RANGAP1: variants seen among roughly 807,000 people sequenced by gnomAD.
The protein encoded by RANGAP1 is Ran GTPase activating protein 1.
A neutral mutation model predicts 63.5 loss-of-function variants in RANGAP1; 38 were observed. The observed-to-expected ratio is 0.60, with a 90% confidence interval of 0.46 to 0.78. The LOEUF (loss-of-function observed/expected upper bound fraction) is 0.78, where lower values mean the gene tolerates loss of function less well. RANGAP1 is among the 30% of genes least tolerant of loss of function. The pLI is 0.00. For synonymous variants in RANGAP1, 329 were observed against 310.5 expected (o/e 1.06, Z -0.63); for missense variants, 630 against 740.3 (o/e 0.85, Z 1.73).
At chr22:41,296,200 T>G in the RANGAP1 span, among the ~76,000 whole-genome samples, 1 of 151,918 alleles carries the variant, frequency 6.6e-6, no homozygotes, top group South Asian at 2.1e-4. Context: ...ATTAAAAAAA[T>G]AATAACCTAA....
At chr22:41,252,252 A>C (rs754837550) in intron 12 of RANGAP1, among the ~76,000 whole-genome samples, 6 of 152,144 alleles carry the variant, frequency 3.9e-5, no homozygotes, top group Non-Finnish European at 5.9e-5. Flanking sequence ...CAGTGAGCCG[A>C]GATCGTGCCA....
rs930446166 is a variant in RANGAP1, at chr22:41,257,624, C to A, written c.774+324G>T. 2.0e-5 allele frequency among the ~76,000 whole-genome samples: 3 copies of A among 152,230 alleles called. No homozygotes were observed. Among genetic ancestry groups the A allele is most frequent in the Non-Finnish European group, 2.9e-5 (2 of 68,044 alleles). On this transcript the variant is annotated intron_variant, in intron 7 of 15. Transcript: ENST00000356244. The surrounding 1 kb of genome is among the most constrained non-coding windows in gnomAD (Gnocchi z 4.0). ...AACAAAACAAACAACAGCTGCTGAA[C>A]AAATCAACCAGGAAAACAGATGTGG...
At chr22:41,254,845 G>A (rs1160307827) in intron 10 of RANGAP1, among the ~76,000 whole-genome samples, 1 of 152,014 alleles carries the variant, frequency 6.6e-6, no homozygotes. Flanking sequence ...GGTGGCGGGC[G>A]CCTGTGGTCC....
intron 3 of RANGAP1, among the ~76,000 whole-genome samples, chr22:41,272,581 C>G (rs1371294934): frequency 1.3e-5 from 2 of 151,834 alleles, no homozygotes; most frequent in Non-Finnish European, 2.9e-5. Flanking sequence ...AGGGCAGTGG[C>G]GTGATCTTGG....
At position 41,257,268 on chromosome 22, in the gene RANGAP1, C is replaced by G. The variant is rs114777450; in HGVS notation, c.775-444G>C. 1.3e-5 allele frequency among the ~76,000 whole-genome samples: 2 copies of G among 152,186 alleles called. No homozygotes were observed. The highest frequency in any genetic ancestry group is 3.9e-4 in the East Asian group (2 of 5,188). ...ACATCTCTGCTAACACACAGGCAGC[C>G]GGACTAGCCTTCTGTGGGGCCACGG... On this transcript the variant is annotated intron_variant, in intron 7 of 15. Transcript: ENST00000356244. The surrounding 1 kb of genome is among the most constrained non-coding windows in gnomAD (Gnocchi z 4.0).
In RANGAP1 at chr22:41,245,235, G is replaced by C. The variant is rs1056520887; in HGVS notation, c.*1368C>G. Reference sequence around the variant, plus strand: ...TGGAGGGACTTCTTGGAGGCCGTTTGTGGGGGACATGGGCTCCCAAAGCAC... The same window carrying C: ...TGGAGGGACTTCTTGGAGGCCGTTTCTGGGGGACATGGGCTCCCAAAGCAC... On this transcript the variant is annotated 3_prime_UTR_variant, in exon 16 of 16. Transcript: ENST00000356244. Among the ~76,000 whole-genome samples the C allele has an allele frequency of 6.6e-6, 1 of 152,200 alleles. No homozygotes were observed. Among genetic ancestry groups the C allele is most frequent in the Non-Finnish European group, 1.5e-5 (1 of 68,044 alleles).
At chr22:41,292,146 A>T in the RANGAP1 span, among the ~76,000 whole-genome samples, 4 of 150,808 alleles carry the variant, frequency 2.7e-5, no homozygotes, top group African/African-American at 7.3e-5. Flanking sequence ...TTATTTTTTA[A>T]TATTAAAACA....
chr22:41,293,280 T>C, the RANGAP1 span, among the ~76,000 whole-genome samples: 1 of 149,612 alleles, frequency 6.7e-6, no homozygotes, highest in African/African-American at 2.5e-5. Context: ...AGCACGGTGA[T>C]GCACATCTGT....
At chr22:41,295,262 G>T in the RANGAP1 span, among the ~76,000 whole-genome samples, 1 of 151,744 alleles carries the variant, frequency 6.6e-6, no homozygotes, top group Non-Finnish European at 1.5e-5. Flanking sequence ...AGAAAGGGGG[G>T]AAAGGTGGGG....
chr22:41,249,696 C>A, intron 14 of RANGAP1, 33 bp downstream of exon 14: 1 of 1,589,994 alleles, frequency 6.3e-7, no homozygotes, highest in Non-Finnish European at 8.6e-7. Flanking sequence ...CCACCCACCT[C>A]CCTCCCGGGC....
intron 2 of RANGAP1, among the ~76,000 whole-genome samples, chr22:41,275,927 C>T (rs1034325674): frequency 1.3e-5 from 2 of 152,090 alleles, no homozygotes; most frequent in Non-Finnish European, 2.9e-5. Flanking sequence ...GCCAGGGGGA[C>T]AGAGCAAGAC....
At chr22:41,261,658 C>G in intron 5 of RANGAP1, 78 bp from the exon 6 acceptor site, 1 of 1,578,232 alleles carries the variant, frequency 6.3e-7, no homozygotes, top group Non-Finnish European at 8.7e-7. Context: ...TGCTGAACTG[C>G]TCTTCAACAT....
intron 6 of RANGAP1, among the ~76,000 whole-genome samples, chr22:41,260,054 G>A (rs368709413): frequency 3.3e-5 from 5 of 150,520 alleles, no homozygotes; most frequent in South Asian, 2.1e-4. Flanking sequence ...GTGCTTGTTT[G>A]TTATGTGGGT....
the RANGAP1 span, among the ~76,000 whole-genome samples, chr22:41,291,774 A>G: frequency 6.8e-6 from 1 of 146,976 alleles, no homozygotes; most frequent in Non-Finnish European, 1.5e-5. Flanking sequence ...GATGGCGGGC[A>G]TCTGTAGTCC....
the RANGAP1 span, among the ~76,000 whole-genome samples, chr22:41,296,384 T>TG: frequency 2.6e-5 from 4 of 152,168 alleles, no homozygotes; most frequent in Non-Finnish European, 5.9e-5. Context: ...AGGTGGCTCA[T>TG]GCCTGTAATC....
chr22:41,258,530 T>C (rs1351638529), intron 6 of RANGAP1, among the ~76,000 whole-genome samples: 2 of 152,200 alleles, frequency 1.3e-5, no homozygotes, highest in Non-Finnish European at 2.9e-5. Flanking sequence ...CTACACAACA[T>C]AACCCCTTCG....
At chr22:41,284,017 G>T (rs1436685069) in intron 1 of RANGAP1, among the ~76,000 whole-genome samples, 2 of 152,184 alleles carry the variant, frequency 1.3e-5, no homozygotes. Flanking sequence ...GGGAGGCTGA[G>T]GTGGGCGGAT....
Position 41,252,993 on chromosome 22 carries a change from TG to T in RANGAP1, c.1261-3del. ...GGAGGACAGCACGGGAGCTGGCTCCTGGGAAGTAGGGGCACAGAGGCTCTGG... is the reference window on the plus strand; with the variant it reads ...GGAGGACAGCACGGGAGCTGGCTCCTGGAAGTAGGGGCACAGAGGCTCTGG... On this transcript the variant is annotated splice_polypyrimidine_tract_variant and splice_region_variant and intron_variant, in intron 11 of 15. Transcript: ENST00000356244. 6.8e-7 allele frequency: 1 copy of T among 1,479,196 alleles called. No individual in the cohort carries two copies. Among genetic ancestry groups the T allele is most frequent in the Non-Finnish European group, 9.0e-7 (1 of 1,115,676 alleles). 91.6% of individuals were successfully genotyped at this position (1,479,196 alleles called of 1,614,324 possible).
chr22:41,281,469 C>T (rs2035487349), intron 1 of RANGAP1: 3 of 996,212 alleles, frequency 3.0e-6, no homozygotes, highest in Non-Finnish European at 3.6e-6. Context: ...GCTTGAGCAT[C>T]TTGGCTGTTC....
Sources: gnomAD v4.1 joint callset for allele counts (sites outside exome capture counted in the v4.1 genomes callset) on GRCh38, gnomAD v4.1.1 for gene constraint, Gnocchi (gnomAD v3.1) non-coding constraint, MANE v1.5 for transcripts, NCBI Gene and HGNC (gene_info 2026-07-23, HGNC 2026-07-21) for gene names.